The following CRPPA variants were observed in gnomAD, a reference collection of about 807,000 sequenced individuals.
CRPPA encodes CDP-L-ribitol pyrophosphorylase A.
Under a neutral mutation model 52.0 loss-of-function variants are expected in CRPPA, and 43 were observed. That is an observed-to-expected ratio of 0.83 (90% CI 0.65 to 1.07). The LOEUF (loss-of-function observed/expected upper bound fraction) is 1.07, where lower values mean the gene tolerates loss of function less well. CRPPA is among the 50% of genes least tolerant of loss of function. The pLI is 0.00. For synonymous variants in CRPPA, 250 were observed against 203.5 expected (o/e 1.23, Z -1.94); for missense variants, 629 against 551.7 (o/e 1.14, Z -1.40).
chr7:16,367,241 C>T (rs974454186), intron 3 of CRPPA, among the ~76,000 whole-genome samples: 3 of 152,086 alleles, frequency 2.0e-5, no homozygotes, highest in Non-Finnish European at 2.9e-5. Flanking sequence ...CCACTGTGCC[C>T]CCTATCCTAA....
At chr7:16,255,696 G>T (rs1218863654) in intron 8 of CRPPA, among the ~76,000 whole-genome samples, 2 of 152,148 alleles carry the variant, frequency 1.3e-5, no homozygotes, top group African/African-American at 4.8e-5. Context: ...ACGAGGAAAG[G>T]ATTCCCTATT....
intron 9 of CRPPA, among the ~76,000 whole-genome samples, chr7:16,127,892 T>C (rs1444145001): frequency 6.6e-6 from 1 of 152,212 alleles, no homozygotes; most frequent in Non-Finnish European, 1.5e-5. Flanking sequence ...TGTTGACTGA[T>C]TAAACGTCAA....
chr7:16,297,752 T>C (rs763166313), intron 5 of CRPPA, among the ~76,000 whole-genome samples: 10 of 152,242 alleles, frequency 6.6e-5, no homozygotes, highest in Admixed American at 1.3e-4. Flanking sequence ...TAAACATTTA[T>C]GCATCTTAAA....
intron 9 of CRPPA, among the ~76,000 whole-genome samples, chr7:16,123,774 A>G (rs1190326417): frequency 6.6e-6 from 1 of 152,204 alleles, no homozygotes; most frequent in Non-Finnish European, 1.5e-5. Flanking sequence ...TTCATATTTT[A>G]GAAAAACAGC....
chr7:16,216,189 A>G lies in CRPPA; in HGVS notation c.1128T>C (p.Phe376=), dbSNP rs1403975634. 1.9e-6 allele frequency: 3 copies of G among 1,568,094 alleles called. No individual in the cohort carries two copies. The East Asian group carries it at 6.8e-5, about 35-fold the overall frequency. ...LYPVVVVSVH[F]LDFKLVPPSQ... is the part of the protein sequence containing the mutation. ...TGGGAGGTACTAATTTAAAATCAAG[A>G]AAATGAACCTGCAAAATATAAAAGA... The change falls in exon 9 of 10, where the codon TTT becomes TTC. Residue 376 remains phenylalanine, a synonymous_variant. Coordinates refer to ENST00000407010, the MANE Select transcript of CRPPA (RefSeq NM_001101426.4).
intron 1 of CRPPA, among the ~76,000 whole-genome samples, chr7:16,418,587 GGCA>G (rs1201009384): frequency 6.6e-6 from 1 of 152,086 alleles, no homozygotes; most frequent in Non-Finnish European, 1.5e-5. Flanking sequence ...TTCTTCACAA[GGCA>G]GCAGGAAGGA....
intron 6 of CRPPA, among the ~76,000 whole-genome samples, chr7:16,263,493 T>C (rs1783868013): frequency 6.6e-6 from 1 of 152,210 alleles, no homozygotes. Flanking sequence ...GGCTCACGCC[T>C]GTCATCCCAG....
intron 9 of CRPPA, among the ~76,000 whole-genome samples, chr7:16,137,097 G>A (rs971168830): frequency 6.6e-6 from 1 of 152,250 alleles, no homozygotes; most frequent in Non-Finnish European, 1.5e-5. Flanking sequence ...AAATTCATAT[G>A]TTGAAATCCT....
chr7:16,105,452 A>C (rs1437975631), intron 9 of CRPPA, among the ~76,000 whole-genome samples: 1 of 152,138 alleles, frequency 6.6e-6, no homozygotes, highest in East Asian at 1.9e-4. Context: ...ACCCATCCCT[A>C]CCATTCTGGC....
rs1786804434 is a variant in CRPPA, at chr7:16,373,568, C to A, written c.684+2524G>T. 1.3e-5 allele frequency among the ~76,000 whole-genome samples: 2 copies of A among 152,142 alleles called. 1 individual carries two copies. ...TTCAAGTAATTATTCAATTGTAAGT[C>A]TGATGCTGGGGAGAGATGAAAAACA... On this transcript the variant is annotated intron_variant, in intron 3 of 9. Transcript: ENST00000407010.
chr7:16,323,140 A>C (rs563035752), intron 3 of CRPPA, among the ~76,000 whole-genome samples: 82 of 152,242 alleles, frequency 5.4e-4, no homozygotes, highest in Non-Finnish European at 1.1e-3. Flanking sequence ...AAACCATACG[A>C]AATAGAAAAC....
chr7:16,336,786 T>C (rs1225149180), intron 3 of CRPPA, among the ~76,000 whole-genome samples: 1 of 151,670 alleles, frequency 6.6e-6, no homozygotes, highest in Non-Finnish European at 1.5e-5. Flanking sequence ...AATGAAAGGA[T>C]GGAAAAAAGA....
chr7:16,302,445 T>G (rs1168600430), intron 4 of CRPPA, among the ~76,000 whole-genome samples: 6 of 152,264 alleles, frequency 3.9e-5, no homozygotes, highest in African/African-American at 1.2e-4. Flanking sequence ...AAAATGTAAG[T>G]GCATTGTGTT....
At chr7:16,337,216 T>A (rs188391345) in intron 3 of CRPPA, among the ~76,000 whole-genome samples, 4 of 152,272 alleles carry the variant, frequency 2.6e-5, no homozygotes. Flanking sequence ...AGATTACATG[T>A]TACACCACAA....
At chr7:16,130,980 T>C (rs940370580) in intron 9 of CRPPA, among the ~76,000 whole-genome samples, 1 of 152,200 alleles carries the variant, frequency 6.6e-6, no homozygotes, top group African/African-American at 2.4e-5. Context: ...TGACCATGTA[T>C]GAACCAGGAG....
In CRPPA at chr7:16,285,042, A is replaced by C. The variant is rs536899232; in HGVS notation, c.836-6816T>G. 5.9e-5 allele frequency among the ~76,000 whole-genome samples: 9 copies of C among 152,304 alleles called. No individual in the cohort carries two copies. In the South Asian group the frequency reaches 1.9e-3, roughly 32 times the overall value. On this transcript the variant is annotated intron_variant, in intron 5 of 9. Transcript: ENST00000407010. ...TTTCATGAAGCACAAAATTCTTTCC[A>C]AACATATGATTAATACTGATAATTT...
chr7:16,117,145 T>G (rs531672904), intron 9 of CRPPA, among the ~76,000 whole-genome samples: 1 of 152,218 alleles, frequency 6.6e-6, no homozygotes, highest in Admixed American at 6.5e-5. Flanking sequence ...GATTTTAAAA[T>G]GGGTTAACCA....
Position 16,385,436 on chromosome 7 carries a change from A to G in CRPPA, c.535-9195T>C, listed in dbSNP as rs746801488. 2.6e-5 allele frequency among the ~76,000 whole-genome samples: 4 copies of G among 152,350 alleles called. 1 individual carries two copies. The South Asian group carries it at 8.3e-4, about 32-fold the overall frequency. The stretch of plus-strand genomic sequence containing the variant: ...AAAAATGATTAGCAAGAGAACATCA[A>G]TATTAACAAGTGACTTATCAGAAAC... On this transcript the variant is annotated intron_variant, in intron 2 of 9. Coordinates refer to ENST00000407010, the MANE Select transcript of CRPPA (RefSeq NM_001101426.4).
At chr7:16,392,825 A>C (rs1787479471) in intron 2 of CRPPA, among the ~76,000 whole-genome samples, 1 of 151,958 alleles carries the variant, frequency 6.6e-6, no homozygotes, top group African/African-American at 2.4e-5. Flanking sequence ...CTCCTCCCCT[A>C]CCCAACAAAC....
Sources: allele counts gnomAD v4.1 joint callset (sites outside exome capture counted in the v4.1 genomes callset), GRCh38; gene constraint gnomAD v4.1.1; transcripts MANE v1.5; gene names NCBI Gene and HGNC (gene_info 2026-07-23, HGNC 2026-07-21).